Variants in PARD3B observed in about 807,000 individuals in gnomAD.
PARD3B encodes par-3 family cell polarity regulator beta.
Under a neutral mutation model 130.2 loss-of-function variants are expected in PARD3B, and 103 were observed. The ratio of observed to expected loss-of-function variants is 0.79; its 90% CI spans 0.67 to 0.93. PARD3B has a LOEUF of 0.93. Ranked by LOEUF, PARD3B falls within the 40% of genes least tolerant of loss-of-function variation. PARD3B has a pLI of 0.00. For synonymous variants in PARD3B, 583 were observed against 553.2 expected (o/e 1.05, Z -0.76); for missense variants, 1,609 against 1,499.2 (o/e 1.07, Z -1.21).
At position 204,922,883 on chromosome 2, in the gene PARD3B, C is replaced by T. The variant is rs141085192; in HGVS notation, c.223-42269C>T. 2.0e-3 allele frequency among the ~76,000 whole-genome samples: 306 copies of T among 152,180 alleles called. 3 individuals carry two copies. The highest frequency in any genetic ancestry group is 7.0e-3 in the African/African-American group (290 of 41,546). On this transcript the variant is annotated intron_variant, in intron 2 of 22. Coordinates refer to ENST00000406610, the MANE Select transcript of PARD3B (RefSeq NM_001302769.2). ...GTTTGGTTTTTATTTGGGTATCACACAGGCAGCATTGACTGAGTTCATAAA... is the reference window on the plus strand; with the variant it reads ...GTTTGGTTTTTATTTGGGTATCACATAGGCAGCATTGACTGAGTTCATAAA...
intron 2 of PARD3B, among the ~76,000 whole-genome samples, chr2:204,937,289 A>G (rs1223423312): frequency 2.6e-5 from 4 of 152,210 alleles, no homozygotes; most frequent in Admixed American, 6.5e-5. Flanking sequence ...AATTTTATGA[A>G]CAGGACGTTT....
rs552726260 is a variant in PARD3B, at chr2:205,596,644, C to T, written c.3261-18812C>T. 6.6e-5 allele frequency among the ~76,000 whole-genome samples: 10 copies of T among 152,286 alleles called. 2 individuals are homozygous for T. The highest frequency in any genetic ancestry group is 2.4e-4 in the African/African-American group (10 of 41,546). On this transcript the variant is annotated intron_variant, in intron 22 of 22. Transcript: ENST00000406610. The stretch of plus-strand genomic sequence containing the variant: ...ACTTCCATTTATTATCTGGTGGAAA[C>T]TGGGGAATGGATCCCATTGCTTTGG...
chr2:204,652,776 A>G (rs1382501203), intron 1 of PARD3B, among the ~76,000 whole-genome samples: 1 of 145,392 alleles, frequency 6.9e-6, no homozygotes, highest in Non-Finnish European at 1.5e-5. Flanking sequence ...CTGCAGGCTT[A>G]ACAAGGAAGC....
chr2:204,723,774 G>A (rs1040598470), intron 2 of PARD3B, among the ~76,000 whole-genome samples: 21 of 152,096 alleles, frequency 1.4e-4, no homozygotes, highest in African/African-American at 4.3e-4. Flanking sequence ...ATAGGAGAAA[G>A]TGAGTATAAT....
rs940587574 is a variant in PARD3B, at chr2:205,293,022, A to G, written c.2186-7508A>G. On this transcript the variant is annotated intron_variant, in intron 16 of 22. Coordinates refer to ENST00000406610, the MANE Select transcript of PARD3B (RefSeq NM_001302769.2). Reference sequence around the variant, plus strand: ...ATGAAACTGAAAAACCTCACTTTCTATCAGTTCTGTAAATAACTCAGTTAT... The same window carrying G: ...ATGAAACTGAAAAACCTCACTTTCTGTCAGTTCTGTAAATAACTCAGTTAT... Among the ~76,000 whole-genome samples, 6 of 152,306 alleles carry G rather than the reference A, an allele frequency of 3.9e-5. No homozygotes were observed. In the South Asian group the frequency reaches 6.2e-4, roughly 16 times the overall value.
chr2:204,667,252 A>AGCCT (rs2036067334), intron 1 of PARD3B, among the ~76,000 whole-genome samples: 5 of 152,200 alleles, frequency 3.3e-5, no homozygotes, highest in Admixed American at 2.0e-4. Flanking sequence ...CATTACTGTA[A>AGCCT]CTGCAGCAAG....
At chr2:205,433,425 A>G (rs988892216) in intron 19 of PARD3B, among the ~76,000 whole-genome samples, 4 of 151,690 alleles carry the variant, frequency 2.6e-5, no homozygotes, top group South Asian at 2.1e-4. Flanking sequence ...CCAGCTACAC[A>G]GGAGGCTGAG....
At chr2:204,990,998 A>G (rs1216913280) in intron 3 of PARD3B, among the ~76,000 whole-genome samples, 2 of 152,132 alleles carry the variant, frequency 1.3e-5, no homozygotes, top group East Asian at 3.9e-4. Flanking sequence ...CAGCTATTAT[A>G]ATTCTGTGAA....
intron 10 of PARD3B, among the ~76,000 whole-genome samples, chr2:205,154,453 G>C (rs1203777015): frequency 1.3e-5 from 2 of 152,198 alleles, no homozygotes; most frequent in Non-Finnish European, 1.5e-5. Flanking sequence ...TTGTGGGACT[G>C]TAAACTAGTT....
chr2:205,297,060 A>C (rs1195768941), intron 16 of PARD3B, among the ~76,000 whole-genome samples: 1 of 151,988 alleles, frequency 6.6e-6, no homozygotes, highest in Non-Finnish European at 1.5e-5. Flanking sequence ...TGTTGAGCTC[A>C]TGTTTGTGAG....
At chr2:205,413,441 A>G (rs1323494594) in intron 19 of PARD3B, among the ~76,000 whole-genome samples, 1 of 152,192 alleles carries the variant, frequency 6.6e-6, no homozygotes, top group Non-Finnish European at 1.5e-5. Flanking sequence ...TAGGCACTCA[A>G]TAAGTAGTTG....
intron 2 of PARD3B, among the ~76,000 whole-genome samples, chr2:204,833,228 G>C (rs1216682681): frequency 6.6e-6 from 1 of 152,132 alleles, no homozygotes; most frequent in Admixed American, 6.5e-5. Context: ...TAAAGTGTTT[G>C]TCAGTATTCA....
chr2:204,816,186 CCTT>C (rs937141425), intron 2 of PARD3B, among the ~76,000 whole-genome samples: 41 of 151,824 alleles, frequency 2.7e-4, no homozygotes, highest in African/African-American at 9.7e-4. Context: ...CAGTTTCTGT[CCTT>C]CTGATCATTG....
intron 16 of PARD3B, among the ~76,000 whole-genome samples, chr2:205,283,079 G>A (rs1459738528): frequency 1.3e-5 from 2 of 152,184 alleles, no homozygotes; most frequent in African/African-American, 4.8e-5. Flanking sequence ...GAGTAAGAAA[G>A]TGTATAAACT....
intron 1 of PARD3B, among the ~76,000 whole-genome samples, chr2:204,631,237 GTTCT>G (rs1346647825): frequency 7.2e-6 from 1 of 138,920 alleles, no homozygotes. Flanking sequence ...ATGGGTCTTA[GTTCT>G]TTCTTTCTTT....
At chr2:205,484,057 G>A (rs2049345001) in intron 20 of PARD3B, among the ~76,000 whole-genome samples, 1 of 152,042 alleles carries the variant, frequency 6.6e-6, no homozygotes, top group African/African-American at 2.4e-5. Context: ...CTACAAATGG[G>A]GGGAAAAATA....
intron 2 of PARD3B, among the ~76,000 whole-genome samples, chr2:204,747,037 C>T (rs1257635829): frequency 6.6e-6 from 1 of 152,136 alleles, no homozygotes; most frequent in African/African-American, 2.4e-5. Flanking sequence ...GTGTTTTAGA[C>T]ATGAAGTCCT....
At chr2:205,401,930 A>G (rs1195942691) in intron 19 of PARD3B, among the ~76,000 whole-genome samples, 1 of 152,206 alleles carries the variant, frequency 6.6e-6, no homozygotes, top group East Asian at 1.9e-4. Flanking sequence ...ACTCAGATTT[A>G]CACAACTTTT....
intron 21 of PARD3B, among the ~76,000 whole-genome samples, chr2:205,522,876 G>GA (rs1297744498): frequency 1.3e-5 from 2 of 151,946 alleles, no homozygotes; most frequent in Non-Finnish European, 2.9e-5. Context: ...TTACTATTGA[G>GA]AAAATATGGT....
Sources: allele counts gnomAD v4.1 joint callset (sites outside exome capture counted in the v4.1 genomes callset), GRCh38; gene constraint gnomAD v4.1.1; transcripts MANE v1.5; gene names NCBI Gene and HGNC (gene_info 2026-07-23, HGNC 2026-07-21).